NUDT4: variants seen among roughly 807,000 people sequenced by gnomAD.
NUDT4 encodes diphosphoinositol polyphosphate phosphohydrolase 2.
In NUDT4, 5 loss-of-function variants were observed where a neutral mutation model predicts 23.1. The observed-to-expected ratio is 0.22, with a 90% CI of 0.11 to 0.46. The LOEUF is 0.46. NUDT4 is among the 20% of genes least tolerant of loss of function. The pLI is 0.99. For synonymous variants in NUDT4, 50 were observed against 79.0 expected, an observed-to-expected ratio of 0.63 and a Z score of 1.95; for missense variants, 96 against 211.6, an observed-to-expected ratio of 0.45 and a Z score of 3.39.
chr12:93,391,096 G>A (rs1481290676), intron 1 of NUDT4, among the ~76,000 whole-genome samples: 1 of 152,076 alleles, frequency 6.6e-6, no homozygotes, highest in Non-Finnish European at 1.5e-5. Flanking sequence ...GCAGCTCCTG[G>A]CAGCAGGGAG....
At chr12:93,396,304 A>G (rs1333416081) in intron 3 of NUDT4, among the ~76,000 whole-genome samples, 1 of 152,186 alleles carries the variant, frequency 6.6e-6, no homozygotes, top group African/African-American at 2.4e-5. Flanking sequence ...AAAGAATAGA[A>G]TTCTCTTTCA....
rs1297210420 is a variant in NUDT4 at position 93,400,071 on chromosome 12, A to G, written c.*692A>G. 2.2e-5 allele frequency: 3 copies of G among 137,186 alleles called. No homozygotes were observed. Among genetic ancestry groups the G allele is most frequent in the Non-Finnish European group, 4.7e-5 (3 of 64,394 alleles). 8.5% of individuals were successfully genotyped at this position (137,186 alleles called of 1,614,324 possible). On this transcript the variant is annotated 3_prime_UTR_variant, in exon 5 of 5. Coordinates refer to ENST00000415493, the MANE Select transcript of NUDT4 (RefSeq NM_019094.6). ...AAAGTATAACTCTGTAGAGTTGGTG[A>G]ATATTTTAGGGAAATATTAGCAAAA...
chr12:93,397,816 C>T (rs553515882), intron 3 of NUDT4, among the ~76,000 whole-genome samples: 52 of 152,228 alleles, frequency 3.4e-4, no homozygotes, highest in African/African-American at 1.2e-3. Context: ...TGAGCTTCTG[C>T]TCCAGGCCAT....
intron 1 of NUDT4, 89 bp downstream of exon 1, chr12:93,378,510 T>G: frequency 1.5e-6 from 2 of 1,352,750 alleles, no homozygotes; most frequent in Non-Finnish European, 1.9e-6. Context: ...CTGCGCAGGC[T>G]GCGGGGCTGG....
At chr12:93,381,575 C>T (rs907671428) in intron 1 of NUDT4, among the ~76,000 whole-genome samples, 1 of 151,866 alleles carries the variant, frequency 6.6e-6, no homozygotes, top group Non-Finnish European at 1.5e-5. Flanking sequence ...GGGAAAAGTG[C>T]GGTCGGGTAT....
At chr12:93,389,236 G>A (rs917691820) in intron 1 of NUDT4, among the ~76,000 whole-genome samples, 2 of 152,136 alleles carry the variant, frequency 1.3e-5, no homozygotes, top group African/African-American at 4.8e-5. Context: ...AGTTTGAGAG[G>A]CTGAGGCGGG....
intron 1 of NUDT4, among the ~76,000 whole-genome samples, chr12:93,384,357 C>T (rs1026573651): frequency 2.0e-5 from 3 of 151,958 alleles, no homozygotes; most frequent in Non-Finnish European, 2.9e-5. Context: ...TTAGTAGAGA[C>T]GGCGTTTCAC....
At chr12:93,383,825 G>A (rs1190039292) in intron 1 of NUDT4, among the ~76,000 whole-genome samples, 3 of 152,144 alleles carry the variant, frequency 2.0e-5, no homozygotes, top group Non-Finnish European at 2.9e-5. Context: ...GAGCGAGACA[G>A]CGTCTCAGAA....
At chr12:93,382,830 T>G (rs1241716889) in intron 1 of NUDT4, among the ~76,000 whole-genome samples, 1 of 151,966 alleles carries the variant, frequency 6.6e-6, no homozygotes, top group Non-Finnish European at 1.5e-5. Context: ...CCTGGCTAAT[T>G]TTTTGTATTT....
chr12:93,403,562 G>C lies in NUDT4; in HGVS notation c.*4183G>C, dbSNP rs914195843. 5.3e-5 allele frequency: 8 copies of C among 152,234 alleles called. No homozygotes were observed. In the South Asian group the frequency reaches 1.7e-3, roughly 32 times the overall value. 9.4% of individuals were successfully genotyped at this position (152,234 alleles called of 1,614,324 possible). A position where few individuals can be genotyped will look rare whatever the true frequency, so the allele number is the denominator to read the frequency against. On this transcript the variant is annotated 3_prime_UTR_variant, in exon 5 of 5. Transcript: ENST00000415493. Reference sequence around the variant, plus strand: ...TCTCAAACTCCTGACCTCGTGATCCGCCTGCCTCGGCCTCCCTAAGTGCTG... The same window carrying C: ...TCTCAAACTCCTGACCTCGTGATCCCCCTGCCTCGGCCTCCCTAAGTGCTG...
intron 1 of NUDT4, among the ~76,000 whole-genome samples, chr12:93,381,643 G>A (rs1316801760): frequency 6.6e-6 from 1 of 152,184 alleles, no homozygotes; most frequent in Non-Finnish European, 1.5e-5. Flanking sequence ...ACTGGGAGAG[G>A]AGGGACCAGG....
intron 1 of NUDT4, among the ~76,000 whole-genome samples, chr12:93,379,805 A>C (rs990042454): frequency 2.0e-5 from 3 of 152,238 alleles, no homozygotes; most frequent in African/African-American, 7.2e-5. Context: ...AAAAAAGATA[A>C]AGCCTTAGCG....
At position 93,407,287 on chromosome 12, in the gene NUDT4, T is replaced by C. The variant is rs1877871961; in HGVS notation, c.*7908T>C. 1 of 152,348 alleles carries C rather than the reference T, an allele frequency of 6.6e-6. No individual in the cohort carries two copies. The highest frequency in any genetic ancestry group is 2.4e-5 in the African/African-American group (1 of 41,460). The allele number at this position is 152,348 out of a possible 1,614,324, so 9.4% of individuals were successfully genotyped here. On this transcript the variant is annotated 3_prime_UTR_variant, in exon 5 of 5. Transcript: ENST00000415493. ...AAAGTCTGTCCAAGTTACTTCTCTT[T>C]TCCATGACAGAGTTACAACTATTTG...
At chr12:93,389,759 G>C (rs1876355434) in intron 1 of NUDT4, among the ~76,000 whole-genome samples, 1 of 151,866 alleles carries the variant, frequency 6.6e-6, no homozygotes, top group Non-Finnish European at 1.5e-5. Flanking sequence ...AAATGAGCTG[G>C]GCATGGTGGT....
intron 1 of NUDT4, among the ~76,000 whole-genome samples, chr12:93,392,437 A>G (rs369583039): frequency 2.7e-5 from 4 of 149,976 alleles, no homozygotes; most frequent in Non-Finnish European, 5.9e-5. Flanking sequence ...TTGTATTTTT[A>G]GTAGAGATGG....
At chr12:93,389,886 C>T (rs559792848) in intron 1 of NUDT4, among the ~76,000 whole-genome samples, 7 of 150,194 alleles carry the variant, frequency 4.7e-5, no homozygotes, top group South Asian at 2.1e-4. Flanking sequence ...AATGACAGAG[C>T]GAGACTCTGT....
Position 93,402,855 on chromosome 12 carries a change from C to CA in NUDT4, c.*3476_*3477insA, listed in dbSNP as rs1877565622. 1 of 121,036 alleles carries CA rather than the reference C, an allele frequency of 8.3e-6. No individual in the cohort carries two copies. 7.5% of individuals were successfully genotyped at this position (121,036 alleles called of 1,614,324 possible). A position where few individuals can be genotyped will look rare whatever the true frequency, so the allele number is the denominator to read the frequency against. Reference sequence around the variant, plus strand: ...CTGGCTAAGTCACCGCCCCACCCGCCGCATTACATTTCCTAAAACATACTG... The same window carrying CA: ...CTGGCTAAGTCACCGCCCCACCCGCCAGCATTACATTTCCTAAAACATACTG... On this transcript the variant is annotated 3_prime_UTR_variant, in exon 5 of 5. Coordinates refer to ENST00000415493, the MANE Select transcript of NUDT4 (RefSeq NM_019094.6).
chr12:93,389,514 A>G (rs1248095012), intron 1 of NUDT4, among the ~76,000 whole-genome samples: 1 of 152,170 alleles, frequency 6.6e-6, no homozygotes, highest in Non-Finnish European at 1.5e-5. Flanking sequence ...TAATTTATGA[A>G]AGAGAGATGT....
In NUDT4 at chr12:93,402,062, CATG is replaced by C. The variant is rs1455465125; in HGVS notation, c.*2687_*2689del. The C allele has an allele frequency of 6.9e-6, 1 of 145,188 alleles. No individual in the cohort carries two copies. The highest frequency in any genetic ancestry group is 1.5e-5 in the Non-Finnish European group (1 of 66,678). 9.0% of individuals were successfully genotyped at this position (145,188 alleles called of 1,614,324 possible). A position where few individuals can be genotyped will look rare whatever the true frequency, so the allele number is the denominator to read the frequency against. On this transcript the variant is annotated 3_prime_UTR_variant, in exon 5 of 5. Coordinates refer to ENST00000415493, the MANE Select transcript of NUDT4 (RefSeq NM_019094.6). ...TGCAGACAAAGTAGAAACTGTGCTG[CATG>C]ATGTTATTTTGTAAACAGATGACAT...
Sources: gnomAD v4.1 joint callset for allele counts (sites outside exome capture counted in the v4.1 genomes callset) on GRCh38, gnomAD v4.1.1 for gene constraint, MANE v1.5 for transcripts, NCBI Gene and HGNC (gene_info 2026-07-23, HGNC 2026-07-21) for gene names.